DOP1A: variants seen among roughly 807,000 people sequenced by gnomAD.
DOP1A encodes the protein DOP1 leucine zipper like protein A, also known as protein DOP1A.
DOP1A carries 90 observed loss-of-function variants against 267.6 expected under a neutral mutation model. That is an observed-to-expected ratio of 0.34 (90% CI 0.28 to 0.40). The LOEUF is 0.40. Among genes scored for constraint, DOP1A ranks in the 10% least tolerant of loss-of-function variants. The pLI is 1.00. For synonymous variants in DOP1A, 932 were observed against 999.1 expected (o/e 0.93, Z 1.27); for missense variants, 2,437 against 2,900.4 (o/e 0.84, Z 3.67).
intron 38 of DOP1A, chr6:83,165,013 T>C: frequency 3.3e-6 from 1 of 302,902 alleles, no homozygotes; most frequent in Non-Finnish European, 6.1e-6. Context: ...CTCATCTTGA[T>C]AGGAATAGAA....
chr6:83,157,036 T>C, intron 34 of DOP1A, 146 bp from the exon 35 acceptor site: 1 of 701,260 alleles, frequency 1.4e-6, no homozygotes, highest in African/African-American at 1.8e-5. Context: ...TTATTCGTTG[T>C]TTTATGAAAA....
At chr6:83,136,008 A>G (rs760139175) in intron 20 of DOP1A, 130 bp downstream of exon 20, 2 of 1,057,544 alleles carry the variant, frequency 1.9e-6, no homozygotes, top group African/African-American at 1.6e-5. Context: ...TCCCCTCCTC[A>G]TGCACTAGCA....
intron 1 of DOP1A, among the ~76,000 whole-genome samples, chr6:83,073,541 ATGTTT>A (rs1239665468): frequency 6.6e-6 from 1 of 152,204 alleles, no homozygotes; most frequent in African/African-American, 2.4e-5. Context: ...AACTTTCATT[ATGTTT>A]TAAGTTTCAG....
intron 38 of DOP1A, chr6:83,165,780 G>A (rs1460388134): frequency 4.2e-5 from 11 of 258,998 alleles, no homozygotes; most frequent in South Asian, 3.5e-4. Context: ...TGCAACGTGC[G>A]GCCCAGTGTT....
At position 83,151,593 on chromosome 6, in the gene DOP1A, G is replaced by T; in HGVS notation, c.5838G>T (p.Gly1946=). The T allele has an allele frequency of 6.3e-7, 1 of 1,596,566 alleles. No homozygotes were observed. Among genetic ancestry groups the T allele is most frequent in the Non-Finnish European group, 8.5e-7 (1 of 1,174,268 alleles). The change falls in exon 28 of 39, where the codon GGG becomes GGT. Residue 1946 remains glycine, a splice_region_variant and synonymous_variant. Transcript: ENST00000349129. ...TCTGTTTTCTCTTTGGCCCTTTTAGGGTTCTGAATGAGTTTATTATGAAAA... is the reference window on the plus strand; with the variant it reads ...TCTGTTTTCTCTTTGGCCCTTTTAGTGTTCTGAATGAGTTTATTATGAAAA... ...LPAPGQFLIL[G]VLNEFIMKNP...
intron 4 of DOP1A, among the ~76,000 whole-genome samples, chr6:83,107,365 G>A (rs1773811545): frequency 6.6e-6 from 1 of 152,126 alleles, no homozygotes; most frequent in Non-Finnish European, 1.5e-5. Context: ...TGTATCTTTA[G>A]ATCAAACAGT....
chr6:83,125,475 T>G, intron 14 of DOP1A, 25 bp from the exon 15 acceptor site: 2 of 1,605,978 alleles, frequency 1.2e-6, no homozygotes, highest in Non-Finnish European at 1.7e-6. Flanking sequence ...TGTTTAAACT[T>G]TTTTCATTTC....
rs1291994602 is a variant in DOP1A, at chr6:83,138,788, T to A, written c.4746T>A (p.Leu1582=). ...FDNGSTLQSQ[L]LKVLQRLIVL... is the part of the protein sequence containing the mutation. ...ATGGCAGCACGTTGCAGTCACAACT[T>A]CTTAAGGTGCTTCAGAGGCTGATTG... Residue 1582 remains leucine (L), a synonymous_variant, in exon 21 of 39, where the codon CTT becomes CTA. Coordinates refer to ENST00000349129, the MANE Select transcript of DOP1A (RefSeq NM_015018.4). 6.2e-7 allele frequency: 1 copy of A among 1,613,970 alleles called. No homozygotes were observed. Among genetic ancestry groups the A allele is most frequent in the Admixed American group, 1.7e-5 (1 of 59,996 alleles).
At position 83,154,207 on chromosome 6, in the gene DOP1A, G is replaced by A. The variant is rs1782276669; in HGVS notation, c.6417G>A (p.Met2139Ile). 1 of 1,613,970 alleles carries A rather than the reference G, an allele frequency of 6.2e-7. No individual in the cohort carries two copies. Among genetic ancestry groups the A allele is most frequent in the African/African-American group, 1.3e-5 (1 of 75,032 alleles). The change falls in exon 33 of 39, where the codon ATG becomes ATA. Residue 2139 changes from methionine (M) to isoleucine (I), a missense_variant. Coordinates refer to ENST00000349129, the MANE Select transcript of DOP1A (RefSeq NM_015018.4). ...GGAGAGCAATTATGGACAATCTGAT[G>A]ACACATGATAAAACAACATTTAGAG... ...NHWRAIMDNL[M>I]THDKTTFRDL...
rs767540428 is a variant in DOP1A, at chr6:83,137,247, A to C, written c.3205A>C (p.Ser1069Arg). Residue 1069 changes from serine (S) to arginine (R), a missense_variant, in exon 21 of 39, where the codon AGT (serine) becomes CGT (arginine). Ser to Arg is a moderately radical substitution (Grantham distance 110, BLOSUM62 -1). Transcript: ENST00000349129. ...PLTMDEIENF[S>R]LTVNPLSDRL... ...TACCATGGATGAAATAGAGAACTTT[A>C]GTCTCACTGTGAATCCATTAAGTGA... The C allele has an allele frequency of 6.2e-7, 1 of 1,611,658 alleles. No individual in the cohort carries two copies. Among genetic ancestry groups the C allele is most frequent in the East Asian group, 2.2e-5 (1 of 44,824 alleles).
At chr6:83,084,042 C>T (rs1398653662) in intron 1 of DOP1A, among the ~76,000 whole-genome samples, 2 of 152,124 alleles carry the variant, frequency 1.3e-5, no homozygotes, top group Admixed American at 6.5e-5. Flanking sequence ...TTCACTGTCA[C>T]CTTGGCAGAT....
chr6:83,154,043 A>C lies in DOP1A; in HGVS notation c.6389A>C (p.His2130Pro). The C allele has an allele frequency of 6.2e-7, 1 of 1,613,878 alleles. No individual in the cohort carries two copies. Among genetic ancestry groups the C allele is most frequent in the East Asian group, 2.2e-5 (1 of 44,864 alleles). ...FFQMDASCVN[H>P]WRAIMDNLMT... ...CAGATGGATGCCTCTTGTGTTAATC[A>C]GTAAGTTGCCCTCTTATTTGTATTC... Residue 2130 changes from histidine to proline, a missense_variant and splice_region_variant, in exon 32 of 39, where the codon CAT (histidine) becomes CCT (proline). This residue lies in a region of DOP1A where 216 missense variants were observed against 283.3 expected (regional missense o/e 0.76). Coordinates refer to ENST00000349129, the MANE Select transcript of DOP1A (RefSeq NM_015018.4).
chr6:83,120,827 TG>T, intron 10 of DOP1A, 36 bp downstream of exon 10: 1 of 1,369,404 alleles, frequency 7.3e-7, no homozygotes, highest in Non-Finnish European at 9.8e-7. Flanking sequence ...AGGTCATGTG[TG>T]GTACTTTTGT....
chr6:83,135,783 AGCGTGTACAAGCAGAACGTTAT>A lies in DOP1A; in HGVS notation c.3036_3057del (p.Gln1012HisfsTer26). On this transcript the variant is annotated frameshift_variant, in exon 20 of 39. Coordinates refer to ENST00000349129, the MANE Select transcript of DOP1A (RefSeq NM_015018.4). LOFTEE classifies it high-confidence loss of function. ...CCAAAAACTCAGAGGGTTTCAGTAC[AGCGTGTACAAGCAGAACGTTAT>A]TGGAATAAGTCTCCCTGTTATCCAG... 1 of 1,613,726 alleles carries A rather than the reference AGCGTGTACAAGCAGAACGTTAT, an allele frequency of 6.2e-7. No homozygotes were observed. Among genetic ancestry groups the A allele is most frequent in the Non-Finnish European group, 8.5e-7 (1 of 1,179,718 alleles).
At chr6:83,152,184 C>CAT (rs988222435) in intron 29 of DOP1A, 104 bp from the exon 30 acceptor site, 88 of 727,274 alleles carry the variant, frequency 1.2e-4, no homozygotes, top group African/African-American at 6.4e-4. Context: ...TATACATATA[C>CAT]ATATATATAT....
Position 83,100,728 on chromosome 6 carries a change from C to T in DOP1A, c.162C>T (p.Tyr54=), listed in dbSNP as rs773606634. ...LNKVLQNNAK[Y]QVVPKKLTIG... ...AGGTTTTACAAAATAATGCAAAGTACCAAGTAGTACCCAAAAAGCTGACCA... is the reference window on the plus strand; with the variant it reads ...AGGTTTTACAAAATAATGCAAAGTATCAAGTAGTACCCAAAAAGCTGACCA... Residue 54 remains tyrosine, a synonymous_variant, in exon 4 of 39, where the codon TAC becomes TAT. Transcript: ENST00000349129. 2 of 1,524,984 alleles carry T rather than the reference C, an allele frequency of 1.3e-6. No individual in the cohort carries two copies. Among genetic ancestry groups the T allele is most frequent in the Non-Finnish European group, 1.8e-6 (2 of 1,136,858 alleles). 94.5% of individuals were successfully genotyped at this position (1,524,984 alleles called of 1,614,324 possible). A position where few individuals can be genotyped will look rare whatever the true frequency, so the allele number is the denominator to read the frequency against.
At chr6:83,167,078 C>T in intron 38 of DOP1A, 1 of 983,934 alleles carries the variant, frequency 1.0e-6, no homozygotes, top group Non-Finnish European at 1.2e-6. Context: ...TCTTAATACC[C>T]AAATTATTAG....
At chr6:83,103,670 C>T (rs1773014438) in intron 4 of DOP1A, among the ~76,000 whole-genome samples, 1 of 152,128 alleles carries the variant, frequency 6.6e-6, no homozygotes, top group African/African-American at 2.4e-5. Context: ...GCTTCATTCT[C>T]AGGAATTTCT....
chr6:83,124,740 G>C lies in DOP1A; in HGVS notation c.1376G>C (p.Gly459Ala), dbSNP rs950467227. The stretch of plus-strand genomic sequence containing the variant: ...CATGTGAGACTTCAGATTGGACCTG[G>C]AGATAGTAATGACTCATCTGAATTA... Reference protein sequence around the residue: ...TLHVRLQIGPGDSNDSSELQL... With the variant: ...TLHVRLQIGPADSNDSSELQL... The change falls in exon 13 of 39, where the codon GGA (glycine) becomes GCA (alanine). Residue 459 changes from glycine (G) to alanine (A), a missense_variant. Coordinates refer to ENST00000349129, the MANE Select transcript of DOP1A (RefSeq NM_015018.4). 1.2e-6 allele frequency: 2 copies of C among 1,613,146 alleles called. No homozygotes were observed. Among genetic ancestry groups the C allele is most frequent in the Non-Finnish European group, 1.7e-6 (2 of 1,179,550 alleles).
Sources: gnomAD v4.1 joint callset for allele counts (sites outside exome capture counted in the v4.1 genomes callset) on GRCh38, gnomAD v4.1.1 for gene constraint, gnomAD v4.1.1 regional missense constraint, MANE v1.5 for transcripts, NCBI Gene and HGNC (gene_info 2026-07-23, HGNC 2026-07-21) for gene names.